The following EPHA6 variants were observed in gnomAD, a reference collection of about 807,000 sequenced individuals.
The protein encoded by EPHA6 is EPH receptor A6.
A neutral mutation model predicts 112.0 loss-of-function variants in EPHA6; 50 were observed. The ratio of observed to expected loss-of-function variants is 0.45; its 90% CI spans 0.36 to 0.56. The LOEUF (loss-of-function observed/expected upper bound fraction) is 0.56, where lower values mean the gene tolerates loss of function less well. Among genes scored for constraint, EPHA6 ranks in the 20% least tolerant of loss-of-function variants. EPHA6 has a pLI of 0.00. For missense variants in EPHA6, 1,280 were observed against 1,417.4 expected, an observed-to-expected ratio of 0.90 and a Z score of 1.56; for synonymous variants, 529 against 490.7, an observed-to-expected ratio of 1.08 and a Z score of -1.03.
chr3:97,597,179 C>T (rs1326606597), intron 12 of EPHA6, among the ~76,000 whole-genome samples: 5 of 151,884 alleles, frequency 3.3e-5, no homozygotes, highest in Admixed American at 3.3e-4. Context: ...CGTAGAAGCT[C>T]TTTAGTTATT....
At chr3:96,928,696 T>C (rs1576064991) in intron 2 of EPHA6, among the ~76,000 whole-genome samples, 1 of 152,110 alleles carries the variant, frequency 6.6e-6, no homozygotes, top group Non-Finnish European at 1.5e-5. Flanking sequence ...TCTTGATGAC[T>C]TGTTTAATAT....
At chr3:97,597,386 T>A (rs1432933460) in intron 12 of EPHA6, among the ~76,000 whole-genome samples, 1 of 152,220 alleles carries the variant, frequency 6.6e-6, no homozygotes, top group Non-Finnish European at 1.5e-5. Flanking sequence ...AGGAGAATTA[T>A]GAACACATGG....
chr3:97,487,507 C>T (rs535479926), intron 10 of EPHA6, among the ~76,000 whole-genome samples: 147 of 152,284 alleles, frequency 9.7e-4, no homozygotes, highest in African/African-American at 3.4e-3. Context: ...ATTAGAGATA[C>T]ATGTATTCAG....
intron 5 of EPHA6, among the ~76,000 whole-genome samples, chr3:97,368,365 T>C (rs2084856980): frequency 1.3e-5 from 2 of 152,156 alleles, no homozygotes; most frequent in South Asian, 4.1e-4. Flanking sequence ...ATAAATATGA[T>C]AAAGAAGTCA....
chr3:97,376,884 A>G (rs2085394288), intron 5 of EPHA6, among the ~76,000 whole-genome samples: 1 of 152,216 alleles, frequency 6.6e-6, no homozygotes, highest in South Asian at 2.1e-4. Flanking sequence ...TACACAGGTC[A>G]TGGGAATATC....
At chr3:97,053,103 A>G (rs1048162434) in intron 3 of EPHA6, among the ~76,000 whole-genome samples, 25 of 152,292 alleles carry the variant, frequency 1.6e-4, no homozygotes, top group African/African-American at 5.8e-4. Context: ...CGACTTATAT[A>G]GGATATTACA....
intron 3 of EPHA6, among the ~76,000 whole-genome samples, chr3:97,128,565 C>G (rs985503584): frequency 6.6e-6 from 1 of 152,118 alleles, no homozygotes; most frequent in African/African-American, 2.4e-5. Flanking sequence ...GATGACTATG[C>G]AGGAGTGCAG....
chr3:97,340,508 C>T (rs1055990529), intron 5 of EPHA6, among the ~76,000 whole-genome samples: 5 of 152,170 alleles, frequency 3.3e-5, no homozygotes, highest in South Asian at 2.1e-4. Flanking sequence ...AAGCGTCAAT[C>T]GTCACATTTT....
At chr3:96,858,237 AGTAG>A (rs2035811430) in intron 1 of EPHA6, among the ~76,000 whole-genome samples, 1 of 152,084 alleles carries the variant, frequency 6.6e-6, no homozygotes, top group Non-Finnish European at 1.5e-5. Context: ...ATGCTACCCT[AGTAG>A]GGTGGCTAAG....
At chr3:97,195,769 G>A (rs1342396678) in intron 3 of EPHA6, among the ~76,000 whole-genome samples, 1 of 151,782 alleles carries the variant, frequency 6.6e-6, no homozygotes, top group Non-Finnish European at 1.5e-5. Flanking sequence ...ACTATTTTAG[G>A]GTAAAAGTTT....
At chr3:97,268,506 A>T (rs1373078372) in intron 5 of EPHA6, among the ~76,000 whole-genome samples, 1 of 152,226 alleles carries the variant, frequency 6.6e-6, no homozygotes, top group Non-Finnish European at 1.5e-5. Context: ...TATTTAGAAC[A>T]TACTTCTAAG....
intron 12 of EPHA6, among the ~76,000 whole-genome samples, chr3:97,602,434 G>C (rs879892438): frequency 6.6e-6 from 1 of 152,002 alleles, no homozygotes; most frequent in Non-Finnish European, 1.5e-5. Context: ...ATAAGACACA[G>C]AGATTTGGGG....
intron 3 of EPHA6, among the ~76,000 whole-genome samples, chr3:97,060,431 A>G (rs963700718): frequency 1.3e-5 from 2 of 152,174 alleles, no homozygotes; most frequent in Non-Finnish European, 2.9e-5. Flanking sequence ...TTACAGTGAG[A>G]ACTTACTTTT....
At chr3:97,517,607 A>T (rs2092467797) in intron 10 of EPHA6, among the ~76,000 whole-genome samples, 1 of 152,128 alleles carries the variant, frequency 6.6e-6, no homozygotes, top group African/African-American at 2.4e-5. Flanking sequence ...AAACATTTAA[A>T]ATCTACTCTC....
At chr3:97,451,487 G>A (rs2090528854) in intron 7 of EPHA6, among the ~76,000 whole-genome samples, 1 of 151,150 alleles carries the variant, frequency 6.6e-6, no homozygotes, top group South Asian at 2.1e-4. Context: ...TAAAATGTCT[G>A]AGAAGAACCT....
chr3:97,337,104 A>G (rs1305025222), intron 5 of EPHA6, among the ~76,000 whole-genome samples: 4 of 152,232 alleles, frequency 2.6e-5, no homozygotes, highest in South Asian at 2.1e-4. Context: ...ATAAAATACA[A>G]AGAGAGAGAA....
At chr3:97,266,843 G>A (rs1343453471) in intron 5 of EPHA6, among the ~76,000 whole-genome samples, 1 of 151,760 alleles carries the variant, frequency 6.6e-6, no homozygotes, top group South Asian at 2.1e-4. Flanking sequence ...TTTTAAGGTG[G>A]GCCTGTATAT....
chr3:97,476,454 A>G (rs1195060438), intron 8 of EPHA6, among the ~76,000 whole-genome samples: 2 of 152,150 alleles, frequency 1.3e-5, no homozygotes, highest in Non-Finnish European at 2.9e-5. Context: ...TACGTCAGAA[A>G]GAGCAGAAAT....
At chr3:97,728,384 G>A (rs990060642) in intron 15 of EPHA6, among the ~76,000 whole-genome samples, 1 of 152,030 alleles carries the variant, frequency 6.6e-6, no homozygotes, top group Non-Finnish European at 1.5e-5. Context: ...TTTCAAAAAT[G>A]TAATTTGTTG....
Sources: gnomAD v4.1 joint callset for allele counts (sites outside exome capture counted in the v4.1 genomes callset) on GRCh38, gnomAD v4.1.1 for gene constraint, MANE v1.5 for transcripts, NCBI Gene and HGNC (gene_info 2026-07-23, HGNC 2026-07-21) for gene names.